The following PARVA variants were observed in gnomAD, a reference collection of about 807,000 sequenced individuals.
PARVA encodes parvin alpha, also known as alpha-parvin.
A neutral mutation model predicts 52.6 loss-of-function variants in PARVA; 25 were observed. The ratio of observed to expected loss-of-function variants is 0.48; its 90% confidence interval spans 0.35 to 0.66. PARVA has a LOEUF of 0.66. Ranked by LOEUF, PARVA falls within the 30% of genes least tolerant of loss-of-function variation. The pLI, the probability that PARVA is intolerant of heterozygous loss-of-function variation, is 0.01. For missense variants in PARVA, 373 were observed against 450.9 expected, an observed-to-expected ratio of 0.83 and a Z score of 1.56; for synonymous variants, 185 against 179.1, an observed-to-expected ratio of 1.03 and a Z score of -0.26.
intron 1 of PARVA, among the ~76,000 whole-genome samples, chr11:12,423,898 T>C (rs1940188674): frequency 6.6e-6 from 1 of 152,228 alleles, no homozygotes. Context: ...AATTTGATTA[T>C]TACATCCTCC....
chr11:12,396,744 A>C (rs1939752539), intron 1 of PARVA, among the ~76,000 whole-genome samples: 1 of 152,204 alleles, frequency 6.6e-6, no homozygotes, highest in African/African-American at 2.4e-5. Flanking sequence ...TATGTGTATT[A>C]ACCTAGCTAA....
chr11:12,404,842 T>C (rs769824936), intron 1 of PARVA, among the ~76,000 whole-genome samples: 29 of 152,150 alleles, frequency 1.9e-4, no homozygotes, highest in Non-Finnish European at 2.8e-4. Flanking sequence ...TAATGACCCA[T>C]TGTCTGAAGT....
chr11:12,506,049 G>A (rs1589984100), intron 6 of PARVA, among the ~76,000 whole-genome samples: 1 of 152,170 alleles, frequency 6.6e-6, no homozygotes, highest in East Asian at 1.9e-4. Context: ...TATCATTCTG[G>A]TGTAGGATAT....
intron 1 of PARVA, among the ~76,000 whole-genome samples, chr11:12,432,907 G>C (rs1290447355): frequency 6.6e-6 from 1 of 152,188 alleles, no homozygotes; most frequent in Non-Finnish European, 1.5e-5. Flanking sequence ...GGAGATGGTG[G>C]CTAGAAATGA....
chr11:12,420,546 G>T (rs1940133866), intron 1 of PARVA, among the ~76,000 whole-genome samples: 2 of 152,174 alleles, frequency 1.3e-5, no homozygotes, highest in African/African-American at 4.8e-5. Flanking sequence ...AAGCACTGAG[G>T]ATGTTTCCAC....
chr11:12,450,751 G>A (rs1238486536), intron 1 of PARVA, among the ~76,000 whole-genome samples: 1 of 152,212 alleles, frequency 6.6e-6, no homozygotes, highest in Non-Finnish European at 1.5e-5. Context: ...GGAAGTCCAA[G>A]AGTCCAAAAA....
intron 1 of PARVA, among the ~76,000 whole-genome samples, chr11:12,450,169 A>G (rs1205775674): frequency 6.6e-6 from 1 of 152,240 alleles, no homozygotes; most frequent in Admixed American, 6.5e-5. Flanking sequence ...GAAGCTACAC[A>G]TTAGTACTAA....
At chr11:12,394,232 G>A (rs1331517827) in intron 1 of PARVA, among the ~76,000 whole-genome samples, 1 of 152,162 alleles carries the variant, frequency 6.6e-6, no homozygotes, top group Non-Finnish European at 1.5e-5. Flanking sequence ...CACAACTACT[G>A]TGCTAGGAAG....
intron 1 of PARVA, among the ~76,000 whole-genome samples, chr11:12,416,298 C>T (rs887249764): frequency 6.6e-6 from 1 of 152,206 alleles, no homozygotes; most frequent in Non-Finnish European, 1.5e-5. Context: ...AGAGTCTACA[C>T]ATCCCCATCT....
At chr11:12,503,060 G>T (rs917287089) in intron 5 of PARVA, among the ~76,000 whole-genome samples, 1 of 152,120 alleles carries the variant, frequency 6.6e-6, no homozygotes. Flanking sequence ...AACCCAGTGT[G>T]ACCCTGCCTT....
intron 1 of PARVA, among the ~76,000 whole-genome samples, chr11:12,383,980 G>C (rs1939533389): frequency 6.6e-6 from 1 of 152,060 alleles, no homozygotes; most frequent in African/African-American, 2.4e-5. Context: ...CCAGCTATGA[G>C]CTCCTTCAAG....
At chr11:12,493,621 A>AG (rs1342196345) in intron 4 of PARVA, among the ~76,000 whole-genome samples, 1 of 151,824 alleles carries the variant, frequency 6.6e-6, no homozygotes, top group Admixed American at 6.6e-5. Flanking sequence ...CTAAAAAAAA[A>AG]AAGGAAAAAA....
intron 1 of PARVA, among the ~76,000 whole-genome samples, chr11:12,410,200 C>T (rs1939974200): frequency 6.6e-6 from 1 of 152,208 alleles, no homozygotes; most frequent in African/African-American, 2.4e-5. Flanking sequence ...CACCCAGGCC[C>T]CCGGGACTGC....
At position 12,513,984 on chromosome 11, in the gene PARVA, G is replaced by A. The variant is rs1408858466; in HGVS notation, c.799-13G>A. On this transcript the variant is annotated splice_polypyrimidine_tract_variant and intron_variant, in intron 9 of 12. Coordinates refer to ENST00000334956, the MANE Select transcript of PARVA (RefSeq NM_018222.5). Reference sequence around the variant, plus strand: ...GAGTCCCCAGCTTAGGGCCTGCTTTGCTTCTCTTTTAGACACTCATCACTT... The same window carrying A: ...GAGTCCCCAGCTTAGGGCCTGCTTTACTTCTCTTTTAGACACTCATCACTT... 1 of 1,612,924 alleles carries A rather than the reference G, an allele frequency of 6.2e-7. No homozygotes were observed. The highest frequency in any genetic ancestry group is 8.5e-7 in the Non-Finnish European group (1 of 1,179,114).
rs199719161 is a variant in PARVA at position 12,508,124 on chromosome 11, CA to C, written c.658-449del. ...TAAAAAAAAAAAAAAAAAAAAAAACCAAAAAAAAAAACCCTCTGCCTCTTGT... is the reference window on the plus strand; with the variant it reads ...TAAAAAAAAAAAAAAAAAAAAAAACCAAAAAAAAAACCCTCTGCCTCTTGT... On this transcript the variant is annotated intron_variant, in intron 6 of 12. Coordinates refer to ENST00000334956, the MANE Select transcript of PARVA (RefSeq NM_018222.5). Among the ~76,000 whole-genome samples, 834 of 105,234 alleles carry C rather than the reference CA, an allele frequency of 7.9e-3. 8 individuals carry two copies. Among genetic ancestry groups the C allele is most frequent in the African/African-American group, 0.018 (551 of 30,414 alleles). 69.0% of individuals were successfully genotyped at this position (105,234 alleles called of 152,430 possible).
At chr11:12,393,572 A>G (rs1589940060) in intron 1 of PARVA, among the ~76,000 whole-genome samples, 2 of 152,068 alleles carry the variant, frequency 1.3e-5, no homozygotes, top group African/African-American at 2.4e-5. Context: ...AGGTTTTTCA[A>G]ATCCTCATCA....
At chr11:12,409,021 C>T (rs1030668732) in intron 1 of PARVA, among the ~76,000 whole-genome samples, 1 of 152,052 alleles carries the variant, frequency 6.6e-6, no homozygotes, top group Non-Finnish European at 1.5e-5. Context: ...TGGGAGAGGC[C>T]GAGGGGGATG....
intron 1 of PARVA, chr11:12,453,113 C>G (rs1460961651): frequency 1.1e-5 from 5 of 447,424 alleles, no homozygotes; most frequent in Non-Finnish European, 2.3e-5. Flanking sequence ...CACCTCCCAG[C>G]TCGTCTCTGG....
At chr11:12,477,733 A>T (rs1218387353) in intron 3 of PARVA, 114 bp from the exon 4 acceptor site, 3 of 662,506 alleles carry the variant, frequency 4.5e-6, no homozygotes, top group Non-Finnish European at 8.0e-6. Context: ...AATGAAACTT[A>T]AAATCTAAAG....
Sources: allele counts gnomAD v4.1 joint callset (sites outside exome capture counted in the v4.1 genomes callset), GRCh38; gene constraint gnomAD v4.1.1; transcripts MANE v1.5; gene names NCBI Gene and HGNC (gene_info 2026-07-23, HGNC 2026-07-21).